Variants in ATP4B observed in about 807,000 individuals in gnomAD.
ATP4B encodes the protein potassium-transporting ATPase subunit beta.
In ATP4B, 27 loss-of-function variants were observed where a neutral mutation model predicts 35.3. The ratio of observed to expected loss-of-function variants is 0.76; its 90% CI spans 0.56 to 1.05. The LOEUF is 1.05. Ranked by LOEUF, ATP4B falls within the 50% of genes least tolerant of loss-of-function variation. The probability of loss-of-function intolerance (pLI) is 0.00; values close to 1 mark genes in which losing one functional copy is unlikely to be tolerated. For missense variants in ATP4B, 375 were observed against 384.8 expected, an observed-to-expected ratio of 0.97 and a Z score of 0.21; for synonymous variants, 162 against 156.0, an observed-to-expected ratio of 1.04 and a Z score of -0.29.
Position 113,650,509 on chromosome 13 carries a change from T to C in ATP4B, c.613-2A>G. ...CTGGCCGAGCTCGCGGGGCTGGTCC[T>C]GGGGAGGAGAGGCCACTGCCTGAGT... On this transcript the variant is annotated splice_acceptor_variant, in intron 5 of 6. Coordinates refer to ENST00000335288, the MANE Select transcript of ATP4B (RefSeq NM_000705.4). LOFTEE classifies it high-confidence loss of function. The surrounding 1 kb of genome is among the most constrained non-coding windows in gnomAD (Gnocchi z 5.0). 1.2e-6 allele frequency: 2 copies of C among 1,609,442 alleles called. No homozygotes were observed. Among genetic ancestry groups the C allele is most frequent in the Non-Finnish European group, 1.7e-6 (2 of 1,177,756 alleles).
Position 113,649,304 on chromosome 13 carries a change from G to A in ATP4B, c.*70C>T, listed in dbSNP as rs1434140306. 5 of 1,518,766 alleles carry A rather than the reference G, an allele frequency of 3.3e-6. No individual in the cohort carries two copies. In the South Asian group the frequency reaches 5.0e-5, roughly 15 times the overall value. The allele number at this position is 1,518,766 out of a possible 1,614,324, so 94.1% of individuals were successfully genotyped here. On this transcript the variant is annotated 3_prime_UTR_variant, in exon 7 of 7. Transcript: ENST00000335288. The surrounding 1 kb of genome is among the most constrained non-coding windows in gnomAD (Gnocchi z 4.7). Reference sequence around the variant, plus strand: ...GATTTGGCAGGGAACTGACGGGCAAGGTAAGCCCAACCAGGAGGGTGTCCT... The same window carrying A: ...GATTTGGCAGGGAACTGACGGGCAAAGTAAGCCCAACCAGGAGGGTGTCCT...
chr13:113,652,324 T>A (rs2049718781), intron 4 of ATP4B, among the ~76,000 whole-genome samples: 1 of 152,234 alleles, frequency 6.6e-6, no homozygotes, highest in Non-Finnish European at 1.5e-5. Context: ...GGCACAAGCC[T>A]GCAGCCTCTT....
Position 113,650,516 on chromosome 13 carries a change from G to T in ATP4B, c.613-9C>A, listed in dbSNP as rs2049704313. ...AGCTCGCGGGGCTGGTCCTGGGGAG[G>T]AGAGGCCACTGCCTGAGTCAGGCGG... On this transcript the variant is annotated splice_polypyrimidine_tract_variant and intron_variant, in intron 5 of 6. Coordinates refer to ENST00000335288, the MANE Select transcript of ATP4B (RefSeq NM_000705.4). The surrounding 1 kb of genome is among the most constrained non-coding windows in gnomAD (Gnocchi z 5.0). 1 of 1,607,056 alleles carries T rather than the reference G, an allele frequency of 6.2e-7. No individual in the cohort carries two copies. Among genetic ancestry groups the T allele is most frequent in the African/African-American group, 1.3e-5 (1 of 74,890 alleles).
At chr13:113,655,471 G>C (rs973319729) in intron 1 of ATP4B, among the ~76,000 whole-genome samples, 6 of 152,172 alleles carry the variant, frequency 3.9e-5, no homozygotes, top group Non-Finnish European at 8.8e-5. Context: ...TCAGAAGCAA[G>C]GGTGTCCATA....
intron 1 of ATP4B, among the ~76,000 whole-genome samples, chr13:113,657,600 G>C (rs79273022): frequency 0.023 from 3,433 of 152,352 alleles, 123 homozygotes; most frequent in African/African-American, 0.079. Context: ...GGACGCCAGC[G>C]GGTGTCCCGG....
intron 5 of ATP4B, 129 bp downstream of exon 5, chr13:113,651,542 G>C: frequency 1.9e-6 from 2 of 1,075,514 alleles, no homozygotes; most frequent in Non-Finnish European, 2.5e-6. Flanking sequence ...CGGTGTTTAC[G>C]TCTGGTTTAC....
Position 113,649,332 on chromosome 13 carries a change from A to G in ATP4B, c.*42T>C, listed in dbSNP as rs1480525653. 6.4e-7 allele frequency: 1 copy of G among 1,559,032 alleles called. No individual in the cohort carries two copies. Among genetic ancestry groups the G allele is most frequent in the South Asian group, 1.2e-5 (1 of 84,802 alleles). On this transcript the variant is annotated 3_prime_UTR_variant, in exon 7 of 7. Transcript: ENST00000335288. This position sits in a 1 kb window ranked among gnomAD's most constrained non-coding sequence, Gnocchi z 4.7. ...AAGCCCAACCAGGAGGGTGTCCTTG[A>G]GCGACCCCGCAGGCGTGCCCAGGAC...
In ATP4B at chr13:113,650,456, T is replaced by C. The variant is rs760485986; in HGVS notation, c.664A>G (p.Asn222Asp). 6.2e-7 allele frequency: 1 copy of C among 1,613,968 alleles called. No individual in the cohort carries two copies. Among genetic ancestry groups the C allele is most frequent in the Non-Finnish European group, 8.5e-7 (1 of 1,179,906 alleles). Residue 222 changes from asparagine to aspartate, a missense_variant, in exon 6 of 7, where the codon AAC (asparagine) becomes GAC (aspartate). Physicochemically the swap from Asn to Asp is conservative, Grantham distance 23. Coordinates refer to ENST00000335288, the MANE Select transcript of ATP4B (RefSeq NM_000705.4). The surrounding 1 kb of genome is among the most constrained non-coding windows in gnomAD (Gnocchi z 5.0). Reference sequence around the variant, plus strand: ...AAGTAGTGCAGACTGAAGGTGCCGTTGGGAGGGTAGTACTTGACCTGCAGC... The same window carrying C: ...AAGTAGTGCAGACTGAAGGTGCCGTCGGGAGGGTAGTACTTGACCTGCAGC... Reference protein sequence around the residue: ...QPLQVKYYPPNGTFSLHYFPY... With the variant: ...QPLQVKYYPPDGTFSLHYFPY...
chr13:113,657,347 C>G (rs1252407368), intron 1 of ATP4B, among the ~76,000 whole-genome samples: 8 of 152,238 alleles, frequency 5.3e-5, no homozygotes, highest in Non-Finnish European at 2.9e-5. Context: ...GGTGCTTCCT[C>G]CAGACTCTCT....
At chr13:113,653,131 C>G in intron 3 of ATP4B, 59 bp from the exon 4 acceptor site, 1 of 1,558,054 alleles carries the variant, frequency 6.4e-7, no homozygotes, top group South Asian at 1.2e-5. Flanking sequence ...CTGGCTGCCC[C>G]CCGGGAAGGC....
At position 113,656,945 on chromosome 13, in the gene ATP4B, C is replaced by T. The variant is rs12018675; in HGVS notation, c.112+1088G>A. Among the ~76,000 whole-genome samples the T allele has an allele frequency of 9.1e-3, 1,383 of 152,308 alleles. 18 individuals are homozygous for T. The highest frequency in any genetic ancestry group is 0.031 in the African/African-American group (1,309 of 41,576). On this transcript the variant is annotated intron_variant, in intron 1 of 6. Coordinates refer to ENST00000335288, the MANE Select transcript of ATP4B (RefSeq NM_000705.4). ...ATCCTGGCCTCCCGCTCTGCCGCCC[C>T]GCCTGGCCCAGGAGGCCCTTCTGCC...
In ATP4B at chr13:113,648,869, AC is replaced by A. The variant is rs2049690553; in HGVS notation, c.*504del. ...ATCAGGAAACACGATTTCTTTTTTT[AC>A]ATACAATAAGAGTAACTTTAATATA... On this transcript the variant is annotated 3_prime_UTR_variant, in exon 7 of 7. Transcript: ENST00000335288. The A allele has an allele frequency of 1.3e-5, 2 of 152,182 alleles. No homozygotes were observed. The highest frequency in any genetic ancestry group is 2.9e-5 in the Non-Finnish European group (2 of 68,054). The allele number at this position is 152,182 out of a possible 1,614,324, so 9.4% of individuals were successfully genotyped here. A position where few individuals can be genotyped will look rare whatever the true frequency, so the allele number is the denominator to read the frequency against.
At position 113,650,430 on chromosome 13, in the gene ATP4B, G is replaced by A; in HGVS notation, c.690C>T (p.Phe230=). Residue 230 remains phenylalanine (F), a synonymous_variant, in exon 6 of 7, where the codon TTC becomes TTT. Transcript: ENST00000335288. The surrounding 1 kb of genome is among the most constrained non-coding windows in gnomAD (Gnocchi z 5.0). ...CCTGGGCTTTCTTCCCGTAATAAGG[G>A]AAGTAGTGCAGACTGAAGGTGCCGT... ...PPNGTFSLHY[F]PYYGKKAQPH... The A allele has an allele frequency of 6.2e-7, 1 of 1,614,062 alleles. No individual in the cohort carries two copies. Among genetic ancestry groups the A allele is most frequent in the Non-Finnish European group, 8.5e-7 (1 of 1,179,944 alleles).
In ATP4B at chr13:113,650,291, C is replaced by A; in HGVS notation, c.714+115G>T. Reference sequence around the variant, plus strand: ...CGCAGAACGTTCCAGTCAGGACCGGCTAAGTCACACCTTTGTTTCATTTTT... The same window carrying A: ...CGCAGAACGTTCCAGTCAGGACCGGATAAGTCACACCTTTGTTTCATTTTT... On this transcript the variant is annotated intron_variant, in intron 6 of 6. Transcript: ENST00000335288. This position sits in a 1 kb window ranked among gnomAD's most constrained non-coding sequence, Gnocchi z 5.0. 9.9e-7 allele frequency: 1 copy of A among 1,010,000 alleles called. No individual in the cohort carries two copies. Among genetic ancestry groups the A allele is most frequent in the South Asian group, 1.4e-5 (1 of 72,814 alleles). 62.6% of individuals were successfully genotyped at this position (1,010,000 alleles called of 1,614,324 possible).
At chr13:113,656,303 C>A (rs1049195452) in intron 1 of ATP4B, among the ~76,000 whole-genome samples, 2 of 152,192 alleles carry the variant, frequency 1.3e-5, no homozygotes, top group African/African-American at 2.4e-5. Flanking sequence ...GGTCTCTGTT[C>A]CCCCGCTGTG....
rs1323331368 is a variant in ATP4B, at chr13:113,649,419, G to A, written c.831C>T (p.Asp277=). ...TGAACTCCACTTTCCCTTCATACGG[G>A]TCGTGGGGATTGTTGAAGGTCACGT... is the stretch of plus-strand genomic sequence containing the variant. The part of the protein sequence containing the change: ...AEHVTFNNPH[D]PYEGKVEFKL... The change falls in exon 7 of 7, where the codon GAC becomes GAT. Residue 277 remains aspartate (D), a synonymous_variant. Coordinates refer to ENST00000335288, the MANE Select transcript of ATP4B (RefSeq NM_000705.4). The surrounding 1 kb of genome is among the most constrained non-coding windows in gnomAD (Gnocchi z 4.7). The A allele has an allele frequency of 1.9e-6, 3 of 1,589,326 alleles. No homozygotes were observed. In the Admixed American group the frequency reaches 5.2e-5, roughly 28 times the overall value.
In ATP4B at chr13:113,650,317, C is replaced by G; in HGVS notation, c.714+89G>C. The stretch of plus-strand genomic sequence containing the variant: ...TAAGTCACACCTTTGTTTCATTTTT[C>G]TACATGAAGGGGCTTATTGCTTTCC... On this transcript the variant is annotated intron_variant, in intron 6 of 6. Transcript: ENST00000335288. This position sits in a 1 kb window ranked among gnomAD's most constrained non-coding sequence, Gnocchi z 5.0. The G allele has an allele frequency of 7.9e-7, 1 of 1,272,668 alleles. No individual in the cohort carries two copies. The highest frequency in any genetic ancestry group is 1.5e-5 in the African/African-American group (1 of 67,874). The allele number at this position is 1,272,668 out of a possible 1,614,324, so 78.8% of individuals were successfully genotyped here.
rs780531696 is a variant in ATP4B, at chr13:113,653,062, TGGAGAGTA to T, written c.358_365del (p.Tyr120SerfsTer51). ...AGTTGATGCTGTCCTCCTGGGCTGC[TGGAGAGTA>T]GCCTGCAGACGGACGCACCTGCCAG... On this transcript the variant is annotated frameshift_variant and splice_region_variant, in exon 4 of 7. Transcript: ENST00000335288. LOFTEE classifies it high-confidence loss of function. 1.9e-6 allele frequency: 3 copies of T among 1,609,898 alleles called. No individual in the cohort carries two copies. Among genetic ancestry groups the T allele is most frequent in the Non-Finnish European group, 2.5e-6 (3 of 1,176,684 alleles).
At position 113,650,529 on chromosome 13, in the gene ATP4B, C is replaced by T; in HGVS notation, c.613-22G>A. 1 of 1,596,546 alleles carries T rather than the reference C, an allele frequency of 6.3e-7. No homozygotes were observed. Among genetic ancestry groups the T allele is most frequent in the Non-Finnish European group, 8.5e-7 (1 of 1,169,736 alleles). On this transcript the variant is annotated intron_variant, in intron 5 of 6. Transcript: ENST00000335288. This position sits in a 1 kb window ranked among gnomAD's most constrained non-coding sequence, Gnocchi z 5.0. ...GGTCCTGGGGAGGAGAGGCCACTGC[C>T]TGAGTCAGGCGGGAGCTGGTGTGTG...
Sources: allele counts gnomAD v4.1 joint callset (sites outside exome capture counted in the v4.1 genomes callset), GRCh38; gene constraint gnomAD v4.1.1; non-coding constraint Gnocchi (gnomAD v3.1); transcripts MANE v1.5; gene names NCBI Gene and HGNC (gene_info 2026-07-23, HGNC 2026-07-21).